Variants in NCAM2 observed in about 807,000 individuals in gnomAD.
The protein encoded by NCAM2 is N-CAM-2.
A neutral mutation model predicts 98.1 loss-of-function variants in NCAM2; 30 were observed. The ratio of observed to expected loss-of-function variants is 0.31; its 90% CI spans 0.23 to 0.41. NCAM2 has a LOEUF of 0.41. Among genes scored for constraint, NCAM2 ranks in the 10% least tolerant of loss-of-function variants. NCAM2 has a pLI of 1.00. For synonymous variants in NCAM2, 368 were observed against 342.4 expected (o/e 1.07, Z -0.83); for missense variants, 867 against 1,005.8 (o/e 0.86, Z 1.87).
At chr21:21,053,126 T>A (rs2065144845) in intron 1 of NCAM2, among the ~76,000 whole-genome samples, 1 of 150,722 alleles carries the variant, frequency 6.6e-6, no homozygotes, top group Non-Finnish European at 1.5e-5. Context: ...GTTATTATAA[T>A]TCTATGGAAT....
chr21:21,227,096 A>G (rs957793059), intron 1 of NCAM2, among the ~76,000 whole-genome samples: 3 of 152,026 alleles, frequency 2.0e-5, no homozygotes, highest in Non-Finnish European at 2.9e-5. Flanking sequence ...GCATAAGACA[A>G]TGTTACTGCA....
intron 1 of NCAM2, among the ~76,000 whole-genome samples, 190 bp from the exon 2 acceptor site, chr21:21,280,388 T>C (rs1601851897): frequency 6.6e-6 from 1 of 152,278 alleles, no homozygotes; most frequent in East Asian, 1.9e-4. Flanking sequence ...AGTCTGATGG[T>C]TAAATGCATA....
rs61635255 is a variant in NCAM2 at position 21,522,632 on chromosome 21, C to CTTTTTTTT, written c.2283-11896_2283-11889dup. 1.7e-4 allele frequency among the ~76,000 whole-genome samples: 21 copies of CTTTTTTTT among 124,736 alleles called. 1 individual carries two copies. Among genetic ancestry groups the CTTTTTTTT allele is most frequent in the East Asian group, 4.8e-4 (2 of 4,150 alleles). The allele number at this position is 124,736 out of a possible 152,430, so 81.8% of individuals were successfully genotyped here. The stretch of plus-strand genomic sequence containing the variant: ...AAGTTCTTTTTTTCTTTTTCTTTTT[C>CTTTTTTTT]TTTTTTTTTTTTTTTTGAGACAGAG... On this transcript the variant is annotated intron_variant, in intron 16 of 17. Coordinates refer to ENST00000400546, the MANE Select transcript of NCAM2 (RefSeq NM_004540.5).
chr21:21,272,039 A>G (rs2072521969), intron 1 of NCAM2, among the ~76,000 whole-genome samples: 1 of 152,202 alleles, frequency 6.6e-6, no homozygotes, highest in African/African-American at 2.4e-5. Flanking sequence ...AACTTAAAGT[A>G]TAATTTAAAA....
chr21:21,039,885 T>G (rs1181270325), intron 1 of NCAM2, among the ~76,000 whole-genome samples: 2 of 152,182 alleles, frequency 1.3e-5, no homozygotes, highest in African/African-American at 4.8e-5. Flanking sequence ...GGGAAGCATA[T>G]TAACTAGAGT....
intron 15 of NCAM2, among the ~76,000 whole-genome samples, chr21:21,497,172 A>G (rs1381867669): frequency 1.1e-4 from 17 of 152,164 alleles, no homozygotes; most frequent in Admixed American, 1.1e-3. Context: ...GCACACATGG[A>G]CATAAATATG....
intron 1 of NCAM2, among the ~76,000 whole-genome samples, chr21:21,073,465 A>G (rs1400342759): frequency 6.6e-6 from 1 of 152,198 alleles, no homozygotes; most frequent in Non-Finnish European, 1.5e-5. Context: ...AAAGGCATAT[A>G]TGACTCTAAA....
intron 5 of NCAM2, among the ~76,000 whole-genome samples, chr21:21,294,780 A>G (rs2073416164): frequency 6.7e-6 from 1 of 149,864 alleles, no homozygotes; most frequent in Non-Finnish European, 1.5e-5. Flanking sequence ...ATTGACTTTC[A>G]CCCTGCTTAC....
intron 8 of NCAM2, among the ~76,000 whole-genome samples, chr21:21,358,519 G>A (rs1277691170): frequency 3.3e-5 from 5 of 151,916 alleles, no homozygotes; most frequent in Admixed American, 1.3e-4. Flanking sequence ...CCACTTTCAT[G>A]AAACATTTGT....
chr21:21,537,507 C>A (rs1990044077), intron 17 of NCAM2, among the ~76,000 whole-genome samples: 1 of 152,074 alleles, frequency 6.6e-6, no homozygotes, highest in Admixed American at 6.6e-5. Context: ...CAACTAGTTA[C>A]CAAATCTAAG....
Position 21,056,523 on chromosome 21 carries a change from T to TGC in NCAM2, c.55+57906_55+57907dup, listed in dbSNP as rs139613040. ...GTGTGTGTGTGTGTGTGTGTGTGTGTGCATGAGAGAGGGGGAGAGAGAGGA... is the reference window on the plus strand; with the variant it reads ...GTGTGTGTGTGTGTGTGTGTGTGTGTGCGCATGAGAGAGGGGGAGAGAGAGGA... On this transcript the variant is annotated intron_variant, in intron 1 of 17. Coordinates refer to ENST00000400546, the MANE Select transcript of NCAM2 (RefSeq NM_004540.5). 4.1e-5 allele frequency among the ~76,000 whole-genome samples: 6 copies of TGC among 145,406 alleles called. No individual in the cohort carries two copies. In the East Asian group the frequency reaches 1.2e-3, roughly 29 times the overall value.
intron 1 of NCAM2, among the ~76,000 whole-genome samples, chr21:21,168,938 G>T (rs1466576711): frequency 6.6e-6 from 1 of 152,032 alleles, no homozygotes; most frequent in Non-Finnish European, 1.5e-5. Context: ...TCAAGAAATG[G>T]ATAGCTAAAG....
intron 1 of NCAM2, among the ~76,000 whole-genome samples, chr21:21,155,340 T>G (rs959190360): frequency 6.6e-6 from 1 of 151,740 alleles, no homozygotes; most frequent in Middle Eastern, 3.4e-3. Context: ...GTTTAAAAAT[T>G]GTATTCCTGT....
At chr21:21,016,227 A>G (rs977656632) in intron 1 of NCAM2, among the ~76,000 whole-genome samples, 2 of 152,194 alleles carry the variant, frequency 1.3e-5, no homozygotes, top group Admixed American at 6.5e-5. Flanking sequence ...TGACTGGCCA[A>G]TCAAATGACG....
At chr21:21,265,141 AAT>A (rs201643520) in intron 1 of NCAM2, among the ~76,000 whole-genome samples, 1,611 of 119,688 alleles carry the variant, frequency 0.013, 57 homozygotes, top group African/African-American at 0.049. Context: ...ATACATATAT[AAT>A]ATATATACAT....
At chr21:21,178,984 G>T (rs1204356280) in intron 1 of NCAM2, among the ~76,000 whole-genome samples, 3 of 151,972 alleles carry the variant, frequency 2.0e-5, no homozygotes, top group African/African-American at 7.2e-5. Flanking sequence ...ATTCAGAGAT[G>T]AAAGCTCATA....
intron 1 of NCAM2, among the ~76,000 whole-genome samples, chr21:21,058,785 C>T (rs2065264717): frequency 1.3e-5 from 2 of 151,654 alleles, no homozygotes; most frequent in African/African-American, 2.4e-5. Flanking sequence ...AGAGTTTTCT[C>T]TTTCAGAACA....
In NCAM2 at chr21:21,339,911, A is replaced by G. The variant is rs180841319; in HGVS notation, c.1044+1377A>G. On this transcript the variant is annotated intron_variant, in intron 8 of 17. Transcript: ENST00000400546. ...TATTTGATAATTGTACTATTTTGAT[A>G]TACTTATTTTATATATTCAAGTTGA... Among the ~76,000 whole-genome samples, 208 of 151,926 alleles carry G rather than the reference A, an allele frequency of 1.4e-3. 2 individuals are homozygous for G. Among genetic ancestry groups the G allele is most frequent in the Non-Finnish European group, 1.2e-3 (78 of 67,776 alleles).
At chr21:21,327,732 A>G (rs914279142) in intron 6 of NCAM2, among the ~76,000 whole-genome samples, 1 of 152,164 alleles carries the variant, frequency 6.6e-6, no homozygotes, top group East Asian at 1.9e-4. Flanking sequence ...AATGTCCTCC[A>G]TGGAGGCCTT....
Sources: gnomAD v4.1 joint callset for allele counts (sites outside exome capture counted in the v4.1 genomes callset) on GRCh38, gnomAD v4.1.1 for gene constraint, MANE v1.5 for transcripts, NCBI Gene and HGNC (gene_info 2026-07-23, HGNC 2026-07-21) for gene names.